Variants in UBR3 observed in about 807,000 individuals in gnomAD.
UBR3 encodes the protein ubiquitin protein ligase E3 component n-recognin 3.
In UBR3, 85 loss-of-function variants were observed where a neutral mutation model predicts 243.2. The ratio of observed to expected loss-of-function variants is 0.35; its 90% CI spans 0.29 to 0.42. The LOEUF (loss-of-function observed/expected upper bound fraction) is 0.42. UBR3 is among the 10% of genes least tolerant of loss of function. UBR3 has a pLI of 1.00. For missense variants in UBR3, 1,686 were observed against 2,300.8 expected (o/e 0.73, Z 5.47); for synonymous variants, 748 against 799.8 (o/e 0.94, Z 1.09).
chr2:169,964,113 T>C (rs2087702479), intron 24 of UBR3, among the ~76,000 whole-genome samples: 1 of 152,086 alleles, frequency 6.6e-6, no homozygotes, highest in African/African-American at 2.4e-5. Context: ...AATAAAACTT[T>C]TAAATTTCTT....
chr2:169,852,850 CAAAAAAA>C (rs869283640), intron 1 of UBR3, among the ~76,000 whole-genome samples: 1 of 48,284 alleles, frequency 2.1e-5, no homozygotes, highest in Non-Finnish European at 3.3e-5. Context: ...GACTTCATCT[CAAAAAAA>C]AAAAAAAAAA....
intron 19 of UBR3, among the ~76,000 whole-genome samples, chr2:169,938,461 A>C (rs374278179): frequency 4.5e-4 from 68 of 151,638 alleles, no homozygotes; most frequent in African/African-American, 1.6e-3. Flanking sequence ...GGGTCTCTAC[A>C]TGTGTTGCCC....
intron 22 of UBR3, among the ~76,000 whole-genome samples, chr2:169,948,186 CGAAGTATTTTG>C (rs2086861380): frequency 6.6e-6 from 1 of 150,626 alleles, no homozygotes; most frequent in Non-Finnish European, 1.5e-5. Flanking sequence ...TATTAGTGTT[CGAAGTATTTTG>C]GACCAATTAT....
At chr2:170,004,569 AG>A (rs928261900) in intron 27 of UBR3, among the ~76,000 whole-genome samples, 3 of 152,026 alleles carry the variant, frequency 2.0e-5, no homozygotes, top group African/African-American at 7.2e-5. Context: ...TAAAGGGGGC[AG>A]GGGTGGGGAA....
chr2:169,859,696 TTTTATTTATTTATTTA>T (rs140176382), intron 1 of UBR3, among the ~76,000 whole-genome samples: 2 of 148,218 alleles, frequency 1.3e-5, no homozygotes, highest in Non-Finnish European at 3.0e-5. Context: ...ATTGCTGATA[TTTTATTTATTTATTTA>T]TTTATTTATT....
intron 8 of UBR3, 142 bp from the exon 9 acceptor site, chr2:169,904,972 C>CT: frequency 1.9e-6 from 1 of 518,626 alleles, no homozygotes. Context: ...AATATTGTGC[C>CT]TAAAGCCATA....
intron 25 of UBR3, among the ~76,000 whole-genome samples, chr2:169,991,426 T>C (rs1364290307): frequency 6.6e-6 from 1 of 152,180 alleles, no homozygotes; most frequent in Non-Finnish European, 1.5e-5. Flanking sequence ...GTAGACCATA[T>C]GTTAGGCCAC....
At position 169,858,671 on chromosome 2, in the gene UBR3, C is replaced by T. The variant is rs186012756; in HGVS notation, c.546-13565C>T. On this transcript the variant is annotated intron_variant, in intron 1 of 38. Transcript: ENST00000272793. The stretch of plus-strand genomic sequence containing the variant: ...CTGGAATGCAATGGGGTGATCTCAG[C>T]TCACTACAACTTTTGCCTCCCAGCT... 5.4e-3 allele frequency among the ~76,000 whole-genome samples: 815 copies of T among 152,268 alleles called. 2 individuals carry two copies. The highest frequency in any genetic ancestry group is 8.5e-3 in the Non-Finnish European group (577 of 68,032).
At chr2:169,963,028 T>A (rs1002394347) in intron 24 of UBR3, among the ~76,000 whole-genome samples, 10 of 152,194 alleles carry the variant, frequency 6.6e-5, no homozygotes, top group Admixed American at 6.6e-4. Context: ...AGCGCCCAGA[T>A]GCTAACATTC....
chr2:170,032,559 C>G (rs1169724438), intron 31 of UBR3, among the ~76,000 whole-genome samples: 1 of 36,842 alleles, frequency 2.7e-5, no homozygotes, highest in East Asian at 7.0e-4. Flanking sequence ...CTGAGTTTTT[C>G]TTTGTGCTTG....
At chr2:169,850,759 G>T (rs2082630317) in intron 1 of UBR3, among the ~76,000 whole-genome samples, 1 of 151,838 alleles carries the variant, frequency 6.6e-6, no homozygotes, top group Admixed American at 6.6e-5. Context: ...CAGGAGAATG[G>T]CATGAACCCG....
intron 32 of UBR3, among the ~76,000 whole-genome samples, chr2:170,047,306 GC>G (rs2091114319): frequency 6.6e-6 from 1 of 152,150 alleles, no homozygotes; most frequent in Non-Finnish European, 1.5e-5. Flanking sequence ...CACTGTGCTG[GC>G]CTAAGACCAA....
At chr2:169,920,232 C>T (rs992694053) in intron 11 of UBR3, among the ~76,000 whole-genome samples, 22 of 152,036 alleles carry the variant, frequency 1.4e-4, no homozygotes, top group East Asian at 3.9e-4. Context: ...AACCAAACAC[C>T]GCATGTTCTC....
At chr2:169,978,279 G>A (rs930747279) in intron 24 of UBR3, among the ~76,000 whole-genome samples, 1 of 152,158 alleles carries the variant, frequency 6.6e-6, no homozygotes, top group African/African-American at 2.4e-5. Flanking sequence ...GGTTCCAGGT[G>A]CAGGTGCTTG....
chr2:170,017,546 G>GACACACACAC (rs34813217), intron 30 of UBR3, among the ~76,000 whole-genome samples: 234 of 125,820 alleles, frequency 1.9e-3, no homozygotes, highest in African/African-American at 7.4e-3. Context: ...CACACACACA[G>GACACACACAC]ACACACACAC....
At chr2:169,858,256 T>A (rs2082960328) in intron 1 of UBR3, among the ~76,000 whole-genome samples, 1 of 152,192 alleles carries the variant, frequency 6.6e-6, no homozygotes, top group Non-Finnish European at 1.5e-5. Flanking sequence ...ACATGGCTGT[T>A]GACAAAGAGG....
chr2:170,074,235 A>G (rs1434656149), intron 36 of UBR3, among the ~76,000 whole-genome samples: 1 of 152,172 alleles, frequency 6.6e-6, no homozygotes, highest in Admixed American at 6.5e-5. Context: ...TTAGGTGGTG[A>G]AAAAAATCTA....
chr2:170,041,084 T>A, intron 32 of UBR3, 99 bp downstream of exon 32: 1 of 1,186,682 alleles, frequency 8.4e-7, no homozygotes, highest in Non-Finnish European at 1.2e-6. Context: ...GGCTCATGCT[T>A]GTAATCCCCG....
chr2:169,855,996 G>C (rs1357199688), intron 1 of UBR3, among the ~76,000 whole-genome samples: 1 of 151,696 alleles, frequency 6.6e-6, no homozygotes, highest in Admixed American at 6.6e-5. Flanking sequence ...CCTCCCAGAT[G>C]GGGGGGCTGC....
Sources: gnomAD v4.1 joint callset for allele counts (sites outside exome capture counted in the v4.1 genomes callset) on GRCh38, gnomAD v4.1.1 for gene constraint, MANE v1.5 for transcripts, NCBI Gene and HGNC (gene_info 2026-07-23, HGNC 2026-07-21) for gene names.